XIST: variants seen among roughly 807,000 people sequenced by gnomAD.
XIST encodes the protein X inactive specific transcript.
chrX:73,821,346 T>C, exon 6 of XIST: 2 of 554,109 alleles, frequency 3.6e-6, no homozygotes, highest in Non-Finnish European at 6.5e-6. Flanking sequence ...TGAACTACAA[T>C]GAACAATAAA....
At chrX:73,849,224 C>T (rs200940707) in exon 1 of XIST, 19 of 557,363 alleles carry the variant, frequency 3.4e-5, no homozygotes, top group Middle Eastern at 3.1e-4. Context: ...GCAGGATTCT[C>T]CAGAAGCACA....
chrX:73,850,620 T>C (rs1194613053), exon 1 of XIST: 2 of 511,354 alleles, frequency 3.9e-6, no homozygotes, highest in African/African-American at 5.1e-5. Context: ...CTCACCACCA[T>C]GTCCACACCA....
exon 1 of XIST, chrX:73,851,415 G>A: frequency 3.6e-6 from 2 of 558,968 alleles, no homozygotes; most frequent in East Asian, 3.2e-5. Flanking sequence ...CCACCACCAT[G>A]CTAACCACTT....
In XIST at chrX:73,829,084, C is replaced by T. The variant is rs956861344; in HGVS notation, n.11900G>A. ...ACAACTTACTTCATTCAGCTATCCT[C>T]AAGTGCTAGAGTGCCAGGCATGTTG... is the stretch of plus-strand genomic sequence containing the variant. On this transcript the variant is annotated non_coding_transcript_exon_variant, in exon 5 of 6. Transcript: ENST00000429829. 5.4e-6 allele frequency: 3 copies of T among 556,464 alleles called. No homozygotes were observed. The African/African-American group carries it at 6.7e-5, about 12-fold the overall frequency. 45.9% of individuals were successfully genotyped at this position (556,464 alleles called of 1,213,427 possible).
chrX:73,829,005 A>C (rs990776826), intron 5 of XIST: 27 of 489,337 alleles, frequency 5.5e-5, no homozygotes, highest in Non-Finnish European at 9.1e-5. Context: ...ACCAGCTCCC[A>C]AAAAACAGCT....
chrX:73,849,777 A>G, exon 1 of XIST: 1 of 530,890 alleles, frequency 1.9e-6, no homozygotes, highest in Non-Finnish European at 3.4e-6. Context: ...CACTGAATCA[A>G]TGAAAATTAG....
chrX:73,838,673 C>A (rs751014565), intron 1 of XIST, among the ~76,000 whole-genome samples: 1 of 111,078 alleles, frequency 9.0e-6, no homozygotes, highest in Non-Finnish European at 1.9e-5. Flanking sequence ...AAAAACATGA[C>A]CAACTCGACA....
At position 73,845,620 on chromosome X, in the gene XIST, C is replaced by T. The variant is rs753406048; in HGVS notation, n.7104G>A. On this transcript the variant is annotated non_coding_transcript_exon_variant, in exon 1 of 6. Coordinates refer to ENST00000429829, the Ensembl canonical transcript of XIST. ...AAAGGGCCTTGGTGATTCAGTACCC[C>T]TGCTGTACTGCAAAGGGCATCTGAG... is the stretch of plus-strand genomic sequence containing the variant. The T allele has an allele frequency of 1.4e-5, 8 of 554,676 alleles. No homozygotes were observed. In the Admixed American group the frequency reaches 1.6e-4, roughly 11 times the overall value. 45.7% of individuals were successfully genotyped at this position (554,676 alleles called of 1,213,427 possible).
At chrX:73,823,209 T>A (rs1922165040) in exon 6 of XIST, 1 of 538,757 alleles carries the variant, frequency 1.9e-6, no homozygotes, top group African/African-American at 2.3e-5. Flanking sequence ...CTTTTATCAG[T>A]CTCCTGGCTT....
exon 1 of XIST, chrX:73,846,601 C>A (rs754854162): frequency 5.4e-6 from 3 of 557,270 alleles, no homozygotes; most frequent in Non-Finnish European, 9.7e-6. Flanking sequence ...TGGTCACTTA[C>A]AATTGTGCAC....
chrX:73,843,330 G>A (rs747295728), exon 1 of XIST: 2 of 556,753 alleles, frequency 3.6e-6, no homozygotes, highest in East Asian at 3.3e-5. Context: ...GAGGAAGCAG[G>A]AGTCTTATCT....
exon 6 of XIST, chrX:73,827,890 A>C: frequency 1.9e-6 from 1 of 529,093 alleles, no homozygotes. Context: ...CACACACGAA[A>C]GAAATTAGCA....
chrX:73,846,954 C>T (rs1922788174), exon 1 of XIST: 1 of 557,429 alleles, frequency 1.8e-6, no homozygotes. Flanking sequence ...ATCTACAGTT[C>T]GAAGAGAAGG....
intron 1 of XIST, chrX:73,841,337 T>A: frequency 2.3e-6 from 1 of 443,657 alleles, no homozygotes; most frequent in Non-Finnish European, 3.9e-6. Flanking sequence ...AGAAAGAAAA[T>A]AGAATAGGAA....
exon 1 of XIST, chrX:73,852,376 C>T (rs1257586007): frequency 1.8e-6 from 1 of 547,953 alleles, no homozygotes; most frequent in Non-Finnish European, 3.3e-6. Context: ...TCCGCAGCCC[C>T]GATGGGCAAA....
Position 73,825,207 on chromosome X carries a change from GT to G in XIST, n.14693del, listed in dbSNP as rs754893061. The G allele has an allele frequency of 1.3e-5, 7 of 556,324 alleles. No homozygotes were observed. The South Asian group carries it at 1.3e-4, about 11-fold the overall frequency. 45.8% of individuals were successfully genotyped at this position (556,324 alleles called of 1,213,427 possible). A position where few individuals can be genotyped will look rare whatever the true frequency, so the allele number is the denominator to read the frequency against. ...TAAAGTTTAAAAGCAGTTTCCATGT[GT>G]TTTCGTTTCTGATACCTGGAATACT... On this transcript the variant is annotated non_coding_transcript_exon_variant, in exon 6 of 6. Transcript: ENST00000429829.
chrX:73,852,009 T>C (rs1284957968), exon 1 of XIST: 1 of 539,046 alleles, frequency 1.9e-6, no homozygotes. Context: ...CGATGGGCGA[T>C]GAAAAAAAAA....
chrX:73,852,072 C>G (rs1280012476), exon 1 of XIST: 2 of 518,655 alleles, frequency 3.9e-6, no homozygotes, highest in Admixed American at 5.0e-5. Flanking sequence ...AAAATTAAAG[C>G]AGGTATCCGA....
chrX:73,825,470 T>C, exon 6 of XIST: 1 of 524,236 alleles, frequency 1.9e-6, no homozygotes, highest in East Asian at 3.5e-5. Context: ...TAGATATCAA[T>C]AATCATTGCA....
Sources: gnomAD v4.1 joint callset for allele counts (sites outside exome capture counted in the v4.1 genomes callset) on GRCh38, gnomAD v4.1.1 for gene constraint, MANE v1.5 for transcripts, NCBI Gene and HGNC (gene_info 2026-07-23, HGNC 2026-07-21) for gene names.